ATP13A5: variants seen among roughly 807,000 people sequenced by gnomAD.
ATP13A5 encodes the protein probable cation-transporting ATPase 13A5.
In ATP13A5, 149 loss-of-function variants were observed where a neutral mutation model predicts 150.2. The observed-to-expected ratio is 0.99, with a 90% CI of 0.87 to 1.14. The LOEUF (loss-of-function observed/expected upper bound fraction) is 1.14, where lower values mean the gene tolerates loss of function less well. Ranked by LOEUF, ATP13A5 falls within the 50% of genes most tolerant of loss-of-function variation. The probability of loss-of-function intolerance (pLI) is 0.00; values close to 1 mark genes in which losing one functional copy is unlikely to be tolerated. For synonymous variants in ATP13A5, 497 were observed against 522.2 expected, an observed-to-expected ratio of 0.95 and a Z score of 0.66; for missense variants, 1,383 against 1,449.3, an observed-to-expected ratio of 0.95 and a Z score of 0.74.
intron 25 of ATP13A5, among the ~76,000 whole-genome samples, chr3:193,290,687 AGT>A (rs1210847164): frequency 1.3e-5 from 2 of 152,132 alleles, no homozygotes; most frequent in African/African-American, 4.8e-5. Context: ...TCTAGATGAG[AGT>A]GTTAAACTAT....
intron 1 of ATP13A5, among the ~76,000 whole-genome samples, chr3:193,377,217 A>G (rs1713676078): frequency 1.3e-5 from 2 of 152,258 alleles, no homozygotes; most frequent in African/African-American, 2.4e-5. Context: ...AGAATTGTTC[A>G]GCAGTGAACA....
At chr3:193,374,640 G>GACACACACGC (rs1553824607) in intron 1 of ATP13A5, among the ~76,000 whole-genome samples, 5 of 93,144 alleles carry the variant, frequency 5.4e-5, no homozygotes, top group African/African-American at 2.0e-4. Context: ...GTAAGACCAT[G>GACACACACGC]ACACACACAC....
At chr3:193,367,627 A>G (rs1208343053) in intron 1 of ATP13A5, among the ~76,000 whole-genome samples, 5 of 152,162 alleles carry the variant, frequency 3.3e-5, no homozygotes, top group Non-Finnish European at 5.9e-5. Context: ...AGTTTAGTAC[A>G]TCACTACCAA....
At chr3:193,318,107 G>C (rs1719120390) in intron 17 of ATP13A5, among the ~76,000 whole-genome samples, 2 of 152,174 alleles carry the variant, frequency 1.3e-5, no homozygotes, top group African/African-American at 4.8e-5. Flanking sequence ...GGCCTTCTTG[G>C]AGATCATCCA....
At chr3:193,374,301 CAGAGAGAG>C (rs4019161) in intron 1 of ATP13A5, among the ~76,000 whole-genome samples, 5 of 144,226 alleles carry the variant, frequency 3.5e-5, no homozygotes, top group East Asian at 2.1e-4. Context: ...CACACACACA[CAGAGAGAG>C]AGAGAGGAAA....
intron 1 of ATP13A5, among the ~76,000 whole-genome samples, chr3:193,366,650 T>C (rs528835942): frequency 6.6e-6 from 1 of 152,138 alleles, no homozygotes; most frequent in Admixed American, 6.5e-5. Flanking sequence ...CATTGGAGAT[T>C]TTAGCACATC....
intron 28 of ATP13A5, 33 bp downstream of exon 28, chr3:193,279,333 G>A: frequency 6.7e-7 from 1 of 1,502,902 alleles, no homozygotes; most frequent in Non-Finnish European, 9.3e-7. Flanking sequence ...ATGTACATGA[G>A]TCATGCCAGA....
intron 25 of ATP13A5, among the ~76,000 whole-genome samples, chr3:193,296,486 G>A (rs1439497228): frequency 2.6e-5 from 4 of 152,036 alleles, no homozygotes; most frequent in Non-Finnish European, 5.9e-5. Flanking sequence ...TCAGAGATCA[G>A]ATGGTTGTAC....
intron 1 of ATP13A5, among the ~76,000 whole-genome samples, chr3:193,368,524 A>G (rs1156287299): frequency 6.6e-6 from 1 of 152,136 alleles, no homozygotes; most frequent in East Asian, 1.9e-4. Flanking sequence ...TTATGCCACC[A>G]GAAGTGAAGG....
rs762979471 is a variant in ATP13A5 at position 193,331,263 on chromosome 3, T to A, written c.1321A>T (p.Thr441Ser). The A allele has an allele frequency of 1.9e-6, 3 of 1,614,020 alleles. No individual in the cohort carries two copies. In the East Asian group the frequency reaches 6.7e-5, roughly 36 times the overall value. The change falls in exon 12 of 30, where the codon ACT becomes TCT. Residue 441 changes from threonine (T) to serine (S), a missense_variant. Coordinates refer to ENST00000342358, the MANE Select transcript of ATP13A5 (RefSeq NM_198505.4). ...GCAGCTGGCAGCACTGGAGGGACAG[T>A]CACGGTGAGGAGGATCAGGGCCATG... Reference protein sequence around the residue: ...VTMALILLTVTVPPVLPAALT... With the variant: ...VTMALILLTVSVPPVLPAALT...
chr3:193,335,586 C>T (rs767455040), intron 9 of ATP13A5, among the ~76,000 whole-genome samples: 1 of 152,126 alleles, frequency 6.6e-6, no homozygotes, highest in Non-Finnish European at 1.5e-5. Context: ...ACAAGAGAGA[C>T]AGAAATCTTG....
intron 26 of ATP13A5, among the ~76,000 whole-genome samples, chr3:193,288,439 A>T (rs1717813433): frequency 6.6e-6 from 1 of 152,176 alleles, no homozygotes; most frequent in South Asian, 2.1e-4. Context: ...GCAGCCGCTC[A>T]GCTTGAGGTA....
In ATP13A5 at chr3:193,338,402, G is replaced by A. The variant is rs536928095; in HGVS notation, c.944-3303C>T. ...GATAGCTCTTATTATTTTGAGGTACGTCCCATCAATACCTAATTTATTGAA... is the reference window on the plus strand; with the variant it reads ...GATAGCTCTTATTATTTTGAGGTACATCCCATCAATACCTAATTTATTGAA... On this transcript the variant is annotated intron_variant, in intron 9 of 29. Transcript: ENST00000342358. Among the ~76,000 whole-genome samples the A allele has an allele frequency of 1.4e-4, 21 of 152,196 alleles. No homozygotes were observed. In the South Asian group the frequency reaches 2.7e-3, roughly 20 times the overall value.
intron 26 of ATP13A5, among the ~76,000 whole-genome samples, chr3:193,288,161 G>A (rs1717794580): frequency 1.3e-5 from 2 of 152,132 alleles, no homozygotes; most frequent in Non-Finnish European, 2.9e-5. Flanking sequence ...TCCTGGTGAA[G>A]ATGTTGTAAG....
intron 1 of ATP13A5, among the ~76,000 whole-genome samples, chr3:193,374,645 A>ACACGCG (rs200379382): frequency 4.8e-5 from 5 of 103,748 alleles, no homozygotes; most frequent in African/African-American, 1.5e-4. Context: ...ACCATGACAC[A>ACACGCG]CACACACACA....
intron 12 of ATP13A5, among the ~76,000 whole-genome samples, chr3:193,327,568 A>G (rs1226064067): frequency 6.6e-6 from 1 of 152,240 alleles, no homozygotes; most frequent in African/African-American, 2.4e-5. Context: ...CTTTGAGACT[A>G]TAGAGAGAAA....
chr3:193,279,544 C>A (rs1274230222), intron 27 of ATP13A5, 90 bp from the exon 28 acceptor site: 2 of 939,158 alleles, frequency 2.1e-6, no homozygotes, highest in Admixed American at 2.0e-5. Flanking sequence ...CTCTGTTGGG[C>A]AAATACCAGA....
At chr3:193,351,247 T>G in intron 6 of ATP13A5, 46 bp from the exon 7 acceptor site, 4 of 1,604,052 alleles carry the variant, frequency 2.5e-6, no homozygotes, top group Non-Finnish European at 3.4e-6. Context: ...TGAACCTTAG[T>G]AGCAATCAAG....
chr3:193,325,799 T>G (rs940323838), intron 13 of ATP13A5, among the ~76,000 whole-genome samples: 3 of 152,188 alleles, frequency 2.0e-5, no homozygotes, highest in Non-Finnish European at 4.4e-5. Context: ...CTTCCTCTCT[T>G]CCCACCTTAC....
Sources: allele counts gnomAD v4.1 joint callset (sites outside exome capture counted in the v4.1 genomes callset), GRCh38; gene constraint gnomAD v4.1.1; transcripts MANE v1.5; gene names NCBI Gene and HGNC (gene_info 2026-07-23, HGNC 2026-07-21).